Variants in NAV3 observed in about 807,000 individuals in gnomAD.
NAV3 encodes the protein neuron navigator 3.
A neutral mutation model predicts 244.7 loss-of-function variants in NAV3; 87 were observed. The ratio of observed to expected loss-of-function variants is 0.36; its 90% CI spans 0.30 to 0.42. The LOEUF (loss-of-function observed/expected upper bound fraction) is 0.42. NAV3 is among the 20% of genes least tolerant of loss of function. The pLI is 1.00. For missense variants in NAV3, 2,663 were observed against 2,893.3 expected, an observed-to-expected ratio of 0.92 and a Z score of 1.83; for synonymous variants, 1,126 against 1,042.2, an observed-to-expected ratio of 1.08 and a Z score of -1.55.
chr12:77,855,656 A>T (rs1328250434), intron 1 of NAV3, among the ~76,000 whole-genome samples: 1 of 152,238 alleles, frequency 6.6e-6, no homozygotes, highest in Non-Finnish European at 1.5e-5. Flanking sequence ...AGCCCAGACT[A>T]AAGAGGCCCA....
chr12:77,765,786 C>G (rs1030611462), intron 2 of NAV3, among the ~76,000 whole-genome samples: 1 of 151,682 alleles, frequency 6.6e-6, no homozygotes, highest in Non-Finnish European at 1.5e-5. Context: ...GAAAAAGAAG[C>G]CCTGAAGAAT....
At chr12:77,999,637 T>C (rs2136456795) in intron 7 of NAV3, among the ~76,000 whole-genome samples, 1 of 152,244 alleles carries the variant, frequency 6.6e-6, no homozygotes, top group South Asian at 2.1e-4. Flanking sequence ...CTTAAGCTCT[T>C]GAGTTAAATG....
intron 23 of NAV3, among the ~76,000 whole-genome samples, chr12:78,163,444 T>G (rs1056250397): frequency 2.0e-5 from 3 of 152,086 alleles, no homozygotes; most frequent in Non-Finnish European, 2.9e-5. Context: ...CAATGTCATG[T>G]GCATTCTCAA....
chr12:77,958,803 T>C (rs1435385317), intron 3 of NAV3, among the ~76,000 whole-genome samples: 4 of 151,880 alleles, frequency 2.6e-5, no homozygotes, highest in African/African-American at 4.8e-5. Context: ...AAACCACAAG[T>C]AGAAAAGAAG....
chr12:77,697,685 A>G (rs2137188323), intron 2 of NAV3, among the ~76,000 whole-genome samples: 4 of 152,292 alleles, frequency 2.6e-5, no homozygotes, highest in African/African-American at 9.6e-5. Flanking sequence ...AGATTGTATA[A>G]CAAACACCCT....
chr12:77,837,298 G>T, intron 1 of NAV3, among the ~76,000 whole-genome samples: 1 of 151,488 alleles, frequency 6.6e-6, no homozygotes. Flanking sequence ...AACTATAAAT[G>T]AAGCATAATA....
chr12:77,942,891 C>T (rs1273079055), intron 3 of NAV3, among the ~76,000 whole-genome samples: 1 of 152,150 alleles, frequency 6.6e-6, no homozygotes, highest in Non-Finnish European at 1.5e-5. Flanking sequence ...TCCCCTGAAA[C>T]CATAATTATG....
At chr12:77,762,717 G>A (rs1869539956) in intron 2 of NAV3, among the ~76,000 whole-genome samples, 1 of 113,998 alleles carries the variant, frequency 8.8e-6, no homozygotes, top group African/African-American at 3.2e-5. Context: ...CAGGCTTCAT[G>A]GGTTTTTTGT....
chr12:77,576,769 G>C (rs1869105909), intron 2 of NAV3, among the ~76,000 whole-genome samples: 1 of 152,008 alleles, frequency 6.6e-6, no homozygotes, highest in Non-Finnish European at 1.5e-5. Flanking sequence ...AAAAAAGAAA[G>C]TTTAGTGAGG....
At chr12:77,637,877 A>G (rs1221762201) in intron 2 of NAV3, among the ~76,000 whole-genome samples, 3 of 152,228 alleles carry the variant, frequency 2.0e-5, no homozygotes, top group Non-Finnish European at 4.4e-5. Context: ...GTACTGTGAT[A>G]TGGCAGTCAT....
intron 2 of NAV3, among the ~76,000 whole-genome samples, chr12:77,632,194 A>C (rs1356780649): frequency 6.6e-6 from 1 of 152,190 alleles, no homozygotes; most frequent in Non-Finnish European, 1.5e-5. Flanking sequence ...TGATGTTTGC[A>C]TGTTTTTCCC....
chr12:77,591,884 G>A (rs1869921965), intron 2 of NAV3, among the ~76,000 whole-genome samples: 1 of 152,138 alleles, frequency 6.6e-6, no homozygotes, highest in South Asian at 2.1e-4. Context: ...AAGTCTACCT[G>A]ATTTTTGGTA....
intron 12 of NAV3, among the ~76,000 whole-genome samples, chr12:78,063,103 C>CT (rs1299994677): frequency 1.3e-5 from 2 of 152,138 alleles, no homozygotes; most frequent in African/African-American, 4.8e-5. Context: ...CTGAATTCCT[C>CT]TTACCAGCAC....
chr12:78,058,776 A>C (rs1159333234), intron 11 of NAV3, among the ~76,000 whole-genome samples: 2 of 152,204 alleles, frequency 1.3e-5, no homozygotes, highest in African/African-American at 2.4e-5. Context: ...ACTACTAGGA[A>C]ATATTGATAC....
chr12:78,183,159 A>G (rs780280984), intron 30 of NAV3, among the ~76,000 whole-genome samples: 3 of 151,942 alleles, frequency 2.0e-5, no homozygotes, highest in Non-Finnish European at 4.4e-5. Flanking sequence ...TTTCTAGTAA[A>G]AAACAAAACA....
rs11105811 is a variant in NAV3, at chr12:77,589,516, C to T, written c.72+17250C>T. ...GGGGAGGCCTCAGGAAACTTATGAT[C>T]GTGGCAGAAGGGGAAGCAAACACAT... On this transcript the variant is annotated intron_variant, in intron 2 of 8. Transcript: ENST00000550042. 8.1e-3 allele frequency among the ~76,000 whole-genome samples: 1,233 copies of T among 152,210 alleles called. 13 individuals are homozygous for T. The highest frequency in any genetic ancestry group is 0.028 in the African/African-American group (1,145 of 41,526).
At chr12:77,659,997 A>G (rs974191353) in intron 2 of NAV3, among the ~76,000 whole-genome samples, 16 of 151,938 alleles carry the variant, frequency 1.1e-4, no homozygotes, top group African/African-American at 3.9e-4. Flanking sequence ...ACTGGGAGAT[A>G]TACCTAATGC....
chr12:78,050,113 T>A lies in NAV3; in HGVS notation c.2132+12T>A, dbSNP rs1204302424. On this transcript the variant is annotated intron_variant, in intron 10 of 39. Coordinates refer to ENST00000397909, the MANE Select transcript of NAV3 (RefSeq NM_001024383.2). The stretch of plus-strand genomic sequence containing the variant: ...CAGATAAGCCACAGGTTTTTTTCAA[T>A]TTTGCATATATTTGAGCCAATAAAG... 1 of 1,569,400 alleles carries A rather than the reference T, an allele frequency of 6.4e-7. No individual in the cohort carries two copies. The highest frequency in any genetic ancestry group is 1.8e-5 in the Admixed American group (1 of 55,918).
At chr12:77,989,805 A>T (rs539716466) in intron 5 of NAV3, among the ~76,000 whole-genome samples, 3 of 152,334 alleles carry the variant, frequency 2.0e-5, no homozygotes, top group Admixed American at 6.5e-5. Flanking sequence ...TGTGGCAGTT[A>T]TACTTGGCAG....
Sources: gnomAD v4.1 joint callset for allele counts (sites outside exome capture counted in the v4.1 genomes callset) on GRCh38, gnomAD v4.1.1 for gene constraint, MANE v1.5 for transcripts, NCBI Gene and HGNC (gene_info 2026-07-23, HGNC 2026-07-21) for gene names.